The following EYA1 variants were observed in gnomAD, a reference collection of about 807,000 sequenced individuals.
The protein encoded by EYA1 is EYA transcriptional coactivator and phosphatase 1, also known as protein phosphatase EYA1.
A neutral mutation model predicts 82.0 loss-of-function variants in EYA1; 16 were observed. The observed-to-expected ratio is 0.20, with a 90% CI of 0.13 to 0.30. The LOEUF (loss-of-function observed/expected upper bound fraction) is 0.30, where lower values mean the gene tolerates loss of function less well. Ranked by LOEUF, EYA1 falls within the 10% of genes least tolerant of loss-of-function variation. EYA1 has a pLI of 1.00. For missense variants in EYA1, 633 were observed against 730.7 expected (o/e 0.87, Z 1.54); for synonymous variants, 261 against 264.4 (o/e 0.99, Z 0.12).
chr8:71,250,474 C>G (rs570423828), intron 11 of EYA1, among the ~76,000 whole-genome samples: 1 of 152,322 alleles, frequency 6.6e-6, no homozygotes, highest in Non-Finnish European at 1.5e-5. Context: ...TACCACAGCT[C>G]TATGTGTTCT....
chr8:71,233,039 C>T (rs1811383178), intron 12 of EYA1, among the ~76,000 whole-genome samples: 1 of 152,176 alleles, frequency 6.6e-6, no homozygotes, highest in African/African-American at 2.4e-5. Context: ...TGAATGAATT[C>T]ACCAGTTCCA....
At chr8:71,542,653 T>A (rs900888672) in intron 1 of EYA1, among the ~76,000 whole-genome samples, 2 of 152,246 alleles carry the variant, frequency 1.3e-5, no homozygotes, top group African/African-American at 4.8e-5. Context: ...TCTTCCACAA[T>A]GGTTGAACTC....
At chr8:71,335,301 C>G (rs1824357861) in intron 3 of EYA1, among the ~76,000 whole-genome samples, 1 of 152,128 alleles carries the variant, frequency 6.6e-6, no homozygotes, top group Non-Finnish European at 1.5e-5. Flanking sequence ...TTTTCCTCCT[C>G]TCAACATCAC....
intron 17 of EYA1, among the ~76,000 whole-genome samples, chr8:71,210,714 A>G (rs1306430092): frequency 6.6e-6 from 1 of 152,232 alleles, no homozygotes; most frequent in African/African-American, 2.4e-5. Flanking sequence ...CTGGGGCAGC[A>G]GATAGTTTTA....
At chr8:71,251,989 T>C (rs1813801732) in intron 11 of EYA1, among the ~76,000 whole-genome samples, 1 of 152,090 alleles carries the variant, frequency 6.6e-6, no homozygotes, top group Non-Finnish European at 1.5e-5. Context: ...AATTCAAATG[T>C]TGAAAATCTG....
chr8:71,414,263 A>G (rs187925652), intron 2 of EYA1, among the ~76,000 whole-genome samples: 172 of 152,292 alleles, frequency 1.1e-3, no homozygotes, highest in Middle Eastern at 3.4e-3. Context: ...AGCCCCTTAC[A>G]GCAGCTCTCC....
At position 71,198,336 on chromosome 8, in the gene EYA1, T is replaced by A. The variant is rs1806500882; in HGVS notation, c.*1004A>T. ...AATTGTTTAAGAAACTGCTGTGTTA[T>A]TTCATCAAGGCCCTCAGAAGAACTG... On this transcript the variant is annotated 3_prime_UTR_variant, in exon 18 of 18. Coordinates refer to ENST00000340726, the MANE Select transcript of EYA1 (RefSeq NM_000503.6). 1.3e-5 allele frequency: 2 copies of A among 152,634 alleles called. No individual in the cohort carries two copies. Among genetic ancestry groups the A allele is most frequent in the Admixed American group, 1.3e-4 (2 of 15,274 alleles). 9.5% of individuals were successfully genotyped at this position (152,634 alleles called of 1,614,324 possible). A position where few individuals can be genotyped will look rare whatever the true frequency, so the allele number is the denominator to read the frequency against.
At chr8:71,397,931 A>C (rs1030278865) in intron 2 of EYA1, among the ~76,000 whole-genome samples, 2 of 152,140 alleles carry the variant, frequency 1.3e-5, no homozygotes, top group African/African-American at 4.8e-5. Flanking sequence ...TACACCAATC[A>C]GACATAGATT....
intron 7 of EYA1, among the ~76,000 whole-genome samples, chr8:71,308,770 C>T (rs1448766941): frequency 7.0e-6 from 1 of 143,494 alleles, no homozygotes; most frequent in Non-Finnish European, 1.5e-5. Flanking sequence ...TCACAGAGAA[C>T]AAGGACTCAC....
At chr8:71,323,475 G>A (rs987763570) in intron 4 of EYA1, among the ~76,000 whole-genome samples, 6 of 152,234 alleles carry the variant, frequency 3.9e-5, no homozygotes, top group African/African-American at 1.4e-4. Context: ...GCTTGTGTTT[G>A]GGATGACAAT....
At chr8:71,466,456 T>C (rs1024632611) in intron 2 of EYA1, among the ~76,000 whole-genome samples, 2 of 152,182 alleles carry the variant, frequency 1.3e-5, no homozygotes, top group African/African-American at 2.4e-5. Context: ...TGAAGTATTG[T>C]GCATGCATAT....
intron 11 of EYA1, among the ~76,000 whole-genome samples, chr8:71,258,032 C>T (rs1456179213): frequency 6.6e-6 from 1 of 152,054 alleles, no homozygotes; most frequent in Admixed American, 6.6e-5. Flanking sequence ...CTTCTTAGCA[C>T]TGTTATTTCT....
intron 2 of EYA1, among the ~76,000 whole-genome samples, chr8:71,381,647 T>G (rs1302091506): frequency 6.6e-6 from 1 of 152,176 alleles, no homozygotes; most frequent in Non-Finnish European, 1.5e-5. Flanking sequence ...AGCCAAAAAG[T>G]AAATAGCTCT....
chr8:71,505,976 TCA>T (rs1812164431), intron 2 of EYA1, among the ~76,000 whole-genome samples: 1 of 152,156 alleles, frequency 6.6e-6, no homozygotes, highest in African/African-American at 2.4e-5. Context: ...AGGTCCTTCT[TCA>T]CACACTCATA....
chr8:71,359,936 G>C (rs1420050814), intron 1 of EYA1, among the ~76,000 whole-genome samples: 2 of 151,988 alleles, frequency 1.3e-5, no homozygotes, highest in Non-Finnish European at 2.9e-5. Context: ...GTGTTTTAGG[G>C]TATATTCTTG....
intron 7 of EYA1, among the ~76,000 whole-genome samples, chr8:71,316,458 T>C (rs1244368735): frequency 6.6e-6 from 1 of 152,126 alleles, no homozygotes; most frequent in Non-Finnish European, 1.5e-5. Flanking sequence ...ACAGAACTTA[T>C]TGATGTGAAA....
intron 2 of EYA1, among the ~76,000 whole-genome samples, chr8:71,488,275 AT>A (rs1236487023): frequency 6.6e-6 from 1 of 152,022 alleles, no homozygotes; most frequent in South Asian, 2.1e-4. Context: ...AGGATAAAAA[AT>A]AAGGATATAG....
chr8:71,234,139 C>T (rs939247062), intron 12 of EYA1, among the ~76,000 whole-genome samples: 7 of 152,312 alleles, frequency 4.6e-5, no homozygotes, highest in African/African-American at 2.4e-5. Flanking sequence ...ACCTGTGCTC[C>T]GGATTTCATT....
intron 2 of EYA1, among the ~76,000 whole-genome samples, chr8:71,410,697 G>A (rs1830542209): frequency 6.9e-6 from 1 of 145,442 alleles, no homozygotes; most frequent in Non-Finnish European, 1.5e-5. Context: ...TCTTCAAGGA[G>A]AACTACAAAC....
Sources: gnomAD v4.1 joint callset for allele counts (sites outside exome capture counted in the v4.1 genomes callset) on GRCh38, gnomAD v4.1.1 for gene constraint, MANE v1.5 for transcripts, NCBI Gene and HGNC (gene_info 2026-07-23, HGNC 2026-07-21) for gene names.